The following DENND1A variants were observed in gnomAD, a reference collection of about 807,000 sequenced individuals.
The protein encoded by DENND1A is DENN domain-containing protein 1A.
DENND1A carries 51 observed loss-of-function variants against 113.7 expected under a neutral mutation model. The ratio of observed to expected loss-of-function variants is 0.45; its 90% CI spans 0.36 to 0.57. DENND1A has a LOEUF of 0.57. Among genes scored for constraint, DENND1A ranks in the 20% least tolerant of loss-of-function variants. The probability of loss-of-function intolerance (pLI) is 0.00; values close to 1 mark genes in which losing one functional copy is unlikely to be tolerated. For missense variants in DENND1A, 1,258 were observed against 1,395.9 expected, an observed-to-expected ratio of 0.90 and a Z score of 1.57; for synonymous variants, 565 against 570.8, an observed-to-expected ratio of 0.99 and a Z score of 0.14.
chr9:123,380,697 A>AGAT lies in DENND1A; in HGVS notation c.*732_*734dup, dbSNP rs2042231069. ...GCTGGGGGCTCCTCCCAAAATACTC[A>AGAT]GATGGGGGTTTCCATTTTCCTTCTA... On this transcript the variant is annotated 3_prime_UTR_variant, in exon 24 of 24. Transcript: ENST00000394215. 1.3e-5 allele frequency: 2 copies of AGAT among 151,398 alleles called. No homozygotes were observed. Among genetic ancestry groups the AGAT allele is most frequent in the South Asian group, 4.2e-4 (2 of 4,766 alleles). 9.4% of individuals were successfully genotyped at this position (151,398 alleles called of 1,614,324 possible). A position where few individuals can be genotyped will look rare whatever the true frequency, so the allele number is the denominator to read the frequency against.
At chr9:123,485,637 T>TGTGTGTGTGTGCGCGC (rs1564577776) in intron 13 of DENND1A, 6 of 78,118 alleles carry the variant, frequency 7.7e-5, no homozygotes, top group South Asian at 7.8e-4. Context: ...TGTGTGCGCG[T>TGTGTGTGTGTGCGCGC]ACACACACGC....
intron 13 of DENND1A, among the ~76,000 whole-genome samples, chr9:123,527,723 C>G (rs1216087208): frequency 6.6e-6 from 1 of 152,160 alleles, no homozygotes; most frequent in Non-Finnish European, 1.5e-5. Flanking sequence ...TCCCTGCCAT[C>G]AACCCAGTGC....
chr9:123,914,374 T>C (rs1281978396), intron 1 of DENND1A, among the ~76,000 whole-genome samples: 1 of 151,218 alleles, frequency 6.6e-6, no homozygotes, highest in Non-Finnish European at 1.5e-5. Flanking sequence ...CTGTCTCTAC[T>C]AAAAATACAA....
intron 13 of DENND1A, among the ~76,000 whole-genome samples, chr9:123,553,283 A>T (rs963750825): frequency 6.6e-6 from 1 of 151,436 alleles, no homozygotes; most frequent in Non-Finnish European, 1.5e-5. Flanking sequence ...TAGTAAAATA[A>T]TTTTTTTTTA....
intron 19 of DENND1A, among the ~76,000 whole-genome samples, chr9:123,417,888 G>T (rs957403643): frequency 1.3e-5 from 2 of 151,990 alleles, no homozygotes; most frequent in East Asian, 1.9e-4. Context: ...CATAGATTGG[G>T]GGGGGGGCAG....
At chr9:123,664,727 A>G (rs1263235186) in intron 8 of DENND1A, among the ~76,000 whole-genome samples, 6 of 152,118 alleles carry the variant, frequency 3.9e-5, no homozygotes, top group African/African-American at 1.2e-4. Context: ...ATATTTTTAA[A>G]CCTTTAATTA....
intron 19 of DENND1A, among the ~76,000 whole-genome samples, chr9:123,430,589 G>A (rs544479019): frequency 7.9e-5 from 12 of 152,294 alleles, no homozygotes; most frequent in South Asian, 2.1e-4. Context: ...ACCAAACACC[G>A]CACATTCTCA....
chr9:123,552,027 G>C (rs1292809654), intron 13 of DENND1A, among the ~76,000 whole-genome samples: 18 of 143,240 alleles, frequency 1.3e-4, no homozygotes, highest in African/African-American at 3.6e-4. Flanking sequence ...GCGAGAGAGA[G>C]AGAGAGAGAG....
chr9:123,497,306 G>C (rs1222593808), intron 13 of DENND1A, among the ~76,000 whole-genome samples: 1 of 152,170 alleles, frequency 6.6e-6, no homozygotes, highest in South Asian at 2.1e-4. Context: ...ACAATTGTAA[G>C]GCTCTTTTAT....
chr9:123,720,402 TAA>T (rs1297175646), intron 5 of DENND1A, among the ~76,000 whole-genome samples: 1 of 152,072 alleles, frequency 6.6e-6, no homozygotes, highest in Non-Finnish European at 1.5e-5. Context: ...TGAACAAAGG[TAA>T]AGAGAAGAGG....
chr9:123,582,613 A>C (rs910872625), intron 12 of DENND1A, among the ~76,000 whole-genome samples: 3 of 151,776 alleles, frequency 2.0e-5, no homozygotes, highest in African/African-American at 4.8e-5. Context: ...GTTAGCCAGG[A>C]TGGTCTCACT....
Position 123,381,836 on chromosome 9 carries a change from C to T in DENND1A, c.2809G>A (p.Gly937Ser), listed in dbSNP as rs767538874. The T allele has an allele frequency of 2.7e-6, 4 of 1,491,920 alleles. No homozygotes were observed. Among genetic ancestry groups the T allele is most frequent in the Non-Finnish European group, 3.6e-6 (4 of 1,121,498 alleles). 92.4% of individuals were successfully genotyped at this position (1,491,920 alleles called of 1,614,324 possible). A position where few individuals can be genotyped will look rare whatever the true frequency, so the allele number is the denominator to read the frequency against. Reference protein sequence around the residue: ...FASGLLLSSAGFCAPHRSQPN... With the variant: ...FASGLLLSSASFCAPHRSQPN... ...TGAGACCTGTGAGGGGCACAGAAGCCAGCACTGGACAGCAGGAGGCCGGAC... is the reference window on the plus strand; with the variant it reads ...TGAGACCTGTGAGGGGCACAGAAGCTAGCACTGGACAGCAGGAGGCCGGAC... The change falls in exon 24 of 24, where the codon GGC becomes AGC. Residue 937 changes from glycine to serine, a missense_variant. Gly to Ser is a moderately conservative substitution (Grantham distance 56). This residue lies in a region of DENND1A where 1,159 missense variants were observed against 1,231.7 expected (regional missense o/e 0.94). Coordinates refer to ENST00000394215, the MANE Select transcript of DENND1A (RefSeq NM_001352964.2). The surrounding 1 kb of genome is among the most constrained non-coding windows in gnomAD (Gnocchi z 4.7).
intron 1 of DENND1A, among the ~76,000 whole-genome samples, chr9:123,909,705 G>C (rs1200895298): frequency 2.0e-5 from 3 of 151,892 alleles, no homozygotes; most frequent in East Asian, 3.9e-4. Context: ...AGTGAAATAA[G>C]GCAAGAAATA....
intron 5 of DENND1A, among the ~76,000 whole-genome samples, chr9:123,677,733 C>T (rs1029748191): frequency 1.1e-4 from 16 of 152,188 alleles, no homozygotes; most frequent in African/African-American, 3.9e-4. Context: ...CTGGCCACGG[C>T]TCTTAGAATG....
intron 5 of DENND1A, among the ~76,000 whole-genome samples, chr9:123,702,537 A>C (rs2065943894): frequency 6.6e-6 from 1 of 152,196 alleles, no homozygotes; most frequent in African/African-American, 2.4e-5. Context: ...TCAAAGACAA[A>C]GAGAAAATCC....
At chr9:123,871,621 A>G (rs1846622414) in intron 2 of DENND1A, among the ~76,000 whole-genome samples, 1 of 151,728 alleles carries the variant, frequency 6.6e-6, no homozygotes, top group African/African-American at 2.4e-5. Flanking sequence ...CTAAGCAAAG[A>G]TTTTTTTTTA....
At chr9:123,564,678 A>G (rs2057948762) in intron 12 of DENND1A, among the ~76,000 whole-genome samples, 1 of 152,248 alleles carries the variant, frequency 6.6e-6, no homozygotes, top group Admixed American at 6.5e-5. Context: ...GCTAGCTACT[A>G]CTGAGCACTT....
chr9:123,520,466 A>C (rs1018679119), intron 13 of DENND1A, among the ~76,000 whole-genome samples: 5 of 152,112 alleles, frequency 3.3e-5, no homozygotes, highest in African/African-American at 9.7e-5. Context: ...CAACAACAAA[A>C]ATTTTTGCTG....
At chr9:123,772,916 C>G (rs1047403348) in intron 3 of DENND1A, among the ~76,000 whole-genome samples, 1 of 152,140 alleles carries the variant, frequency 6.6e-6, no homozygotes, top group African/African-American at 2.4e-5. Context: ...TCTAAAATCC[C>G]TCCCAATCAA....
Sources: allele counts gnomAD v4.1 joint callset (sites outside exome capture counted in the v4.1 genomes callset), GRCh38; gene constraint gnomAD v4.1.1; regional missense constraint gnomAD v4.1.1; non-coding constraint Gnocchi (gnomAD v3.1); transcripts MANE v1.5; gene names NCBI Gene and HGNC (gene_info 2026-07-23, HGNC 2026-07-21).